Variants in PCDHGA3 observed in about 807,000 individuals in gnomAD.
PCDHGA3 encodes the protein protocadherin gamma-A3.
Under a neutral mutation model 58.5 loss-of-function variants are expected in PCDHGA3, and 40 were observed. The ratio of observed to expected loss-of-function variants is 0.68; its 90% confidence interval spans 0.53 to 0.89. The LOEUF (loss-of-function observed/expected upper bound fraction) is 0.89. PCDHGA3 is among the 40% of genes least tolerant of loss of function. PCDHGA3 has a pLI of 0.00. For synonymous variants in PCDHGA3, 530 were observed against 525.7 expected, an observed-to-expected ratio of 1.01 and a Z score of -0.11; for missense variants, 1,223 against 1,195.9, an observed-to-expected ratio of 1.02 and a Z score of -0.33.
At chr5:141,411,556 C>A (rs2095498108) in intron 1 of PCDHGA3, 1 of 152,200 alleles carries the variant, frequency 6.6e-6, no homozygotes, top group Non-Finnish European at 1.5e-5. Context: ...TGCACTCCAG[C>A]CTGGGCGACA....
In PCDHGA3 at chr5:141,345,013, T is replaced by C. The variant is rs1757505366; in HGVS notation, c.980T>C (p.Leu327Pro). Residue 327 changes from leucine (L) to proline (P), a missense_variant, in exon 1 of 4, where the codon CTT becomes CCT. Transcript: ENST00000253812. ...ATTGAAGCACAGGATGGACCAGGTC[T>C]TCTTTCAAGAGCCAAGATTCTAGTC... Reference protein sequence around the residue: ...IKIEAQDGPGLLSRAKILVTV... With the variant: ...IKIEAQDGPGPLSRAKILVTV... The C allele has an allele frequency of 6.2e-7, 1 of 1,614,000 alleles. No individual in the cohort carries two copies. The highest frequency in any genetic ancestry group is 8.5e-7 in the Non-Finnish European group (1 of 1,179,894).
In PCDHGA3 at chr5:141,433,401, A is replaced by ATCTC. The variant is rs1554126038; in HGVS notation, c.2425-61403_2425-61402insCTCT. On this transcript the variant is annotated intron_variant, in intron 1 of 3. Transcript: ENST00000253812. ...TATCTATCTATCTATCTATCTATCT[A>ATCTC]TCTATTACTTTCTTGTACAGACAGG... Among the ~76,000 whole-genome samples, 677 of 150,598 alleles carry ATCTC rather than the reference A, an allele frequency of 4.5e-3. 6 individuals are homozygous for ATCTC. Among genetic ancestry groups the ATCTC allele is most frequent in the African/African-American group, 0.015 (630 of 40,958 alleles).
At chr5:141,375,378 T>A (rs1226520501) in intron 1 of PCDHGA3, 11 of 1,613,954 alleles carry the variant, frequency 6.8e-6, no homozygotes, top group Non-Finnish European at 9.3e-6. Flanking sequence ...ACACCACCTC[T>A]GTCTACAGAA....
intron 1 of PCDHGA3, chr5:141,366,644 C>G (rs759831298): frequency 3.7e-6 from 6 of 1,614,268 alleles, no homozygotes; most frequent in Non-Finnish European, 5.1e-6. Flanking sequence ...GATCTTTCCC[C>G]AGCCCAACTA....
intron 2 of PCDHGA3, among the ~76,000 whole-genome samples, chr5:141,502,352 C>G (rs544911376): frequency 3.2e-4 from 49 of 151,888 alleles, no homozygotes; most frequent in African/African-American, 1.2e-3. Flanking sequence ...TTTTTAATGA[C>G]ATGGATATTT....
Position 141,347,135 on chromosome 5 carries a change from C to CTT in PCDHGA3, c.2424+679_2424+680insTT, listed in dbSNP as rs1158265707. Among the ~76,000 whole-genome samples the CTT allele has an allele frequency of 2.7e-4, 37 of 136,484 alleles. 1 individual carries two copies. In the South Asian group the frequency reaches 6.8e-3, roughly 25 times the overall value. The allele number at this position is 136,484 out of a possible 152,430, so 89.5% of individuals were successfully genotyped here. On this transcript the variant is annotated intron_variant, in intron 1 of 3. Coordinates refer to ENST00000253812, the MANE Select transcript of PCDHGA3 (RefSeq NM_018916.4). ...TCCTCCTTCCTTCCTTCCTCTGTTT[C>CTT]TCTCTTTCTTTCTTTCTTTCTTTCT... is the stretch of plus-strand genomic sequence containing the variant.
chr5:141,390,231 T>C, intron 1 of PCDHGA3: 1 of 1,614,086 alleles, frequency 6.2e-7, no homozygotes, highest in South Asian at 1.1e-5. Flanking sequence ...CGGTGATTCA[T>C]CTGGGGCCTT....
At chr5:141,437,778 G>C (rs750813139) in intron 1 of PCDHGA3, among the ~76,000 whole-genome samples, 1 of 146,836 alleles carries the variant, frequency 6.8e-6, no homozygotes, top group Non-Finnish European at 1.5e-5. Flanking sequence ...TCAATCTGTC[G>C]CCAAGCTGGA....
intron 3 of PCDHGA3, 89 bp from the exon 4 acceptor site, chr5:141,510,858 T>C (rs992991460): frequency 5.8e-5 from 93 of 1,606,182 alleles, no homozygotes; most frequent in South Asian, 1.0e-4. Flanking sequence ...GGGTGCTGTA[T>C]AGGCATTCAT....
chr5:141,399,370 A>C (rs1466560972), intron 1 of PCDHGA3: 2 of 1,614,004 alleles, frequency 1.2e-6, no homozygotes, highest in Non-Finnish European at 1.7e-6. Context: ...CCCGGAGTAC[A>C]ATGTCACCAT....
chr5:141,414,644 A>C lies in PCDHGA3; in HGVS notation c.2424+68187A>C, dbSNP rs1310121141. 6.2e-7 allele frequency: 1 copy of C among 1,613,982 alleles called. No individual in the cohort carries two copies. Among genetic ancestry groups the C allele is most frequent in the Non-Finnish European group, 8.5e-7 (1 of 1,179,894 alleles). ...GACCCGGACAGCAAAGAGAATGCCC[A>C]GATTATTTACTCCCTGGCTGAAGAC... On this transcript the variant is annotated intron_variant, in intron 1 of 3. Transcript: ENST00000253812.
At chr5:141,358,377 A>G (rs988278007) in intron 1 of PCDHGA3, among the ~76,000 whole-genome samples, 1 of 152,136 alleles carries the variant, frequency 6.6e-6, no homozygotes, top group African/African-American at 2.4e-5. Context: ...TTCACACTCT[A>G]CCATGCTTTG....
intron 1 of PCDHGA3, among the ~76,000 whole-genome samples, chr5:141,456,780 T>A (rs1392367637): frequency 1.3e-5 from 2 of 152,000 alleles, no homozygotes; most frequent in Non-Finnish European, 2.9e-5. Flanking sequence ...CTGGCCTACA[T>A]GGCAAAACCC....
chr5:141,357,115 A>C, intron 1 of PCDHGA3: 3 of 1,613,802 alleles, frequency 1.9e-6, no homozygotes, highest in Non-Finnish European at 2.5e-6. Context: ...AGACGCGCTC[A>C]AGCAGAGGCT....
intron 1 of PCDHGA3, among the ~76,000 whole-genome samples, chr5:141,483,907 C>T (rs545585133): frequency 6.0e-5 from 9 of 151,124 alleles, no homozygotes; most frequent in Non-Finnish European, 1.0e-4. Flanking sequence ...TGGTGTGTTT[C>T]CCACTCAGAT....
At chr5:141,384,677 C>A in intron 1 of PCDHGA3, 3 of 1,614,188 alleles carry the variant, frequency 1.9e-6, no homozygotes, top group Non-Finnish European at 2.5e-6. Context: ...AAGGTGGTGG[C>A]GGTGGACAAA....
At chr5:141,360,926 T>A in intron 1 of PCDHGA3, 1 of 1,613,986 alleles carries the variant, frequency 6.2e-7, no homozygotes, top group Non-Finnish European at 8.5e-7. Context: ...GTGCTTCAAG[T>A]GACAGCCACC....
At position 141,485,122 on chromosome 5, in the gene PCDHGA3, G is replaced by C. The variant is rs1000179570; in HGVS notation, c.2425-9685G>C. The stretch of plus-strand genomic sequence containing the variant: ...CAGCTGCTGTGGCTGTTTGGGGCGG[G>C]TCGGCTTCATCCGCGTCTCAGGAGC... On this transcript the variant is annotated intron_variant, in intron 1 of 3. Transcript: ENST00000253812. This position sits in a 1 kb window ranked among gnomAD's most constrained non-coding sequence, Gnocchi z 5.7. The C allele has an allele frequency of 4.3e-6, 6 of 1,387,506 alleles. No individual in the cohort carries two copies. In the African/African-American group the frequency reaches 8.5e-5, roughly 20 times the overall value. The allele number at this position is 1,387,506 out of a possible 1,614,324, so 85.9% of individuals were successfully genotyped here. A position where few individuals can be genotyped will look rare whatever the true frequency, so the allele number is the denominator to read the frequency against.
At chr5:141,355,102 C>T in intron 1 of PCDHGA3, 1 of 1,501,220 alleles carries the variant, frequency 6.7e-7, no homozygotes, top group Non-Finnish European at 8.9e-7. Flanking sequence ...AGAGCTCTGG[C>T]TGTGAATGCA....
Sources: gnomAD v4.1 joint callset for allele counts (sites outside exome capture counted in the v4.1 genomes callset) on GRCh38, gnomAD v4.1.1 for gene constraint, Gnocchi (gnomAD v3.1) non-coding constraint, MANE v1.5 for transcripts, NCBI Gene and HGNC (gene_info 2026-07-23, HGNC 2026-07-21) for gene names.